LIN9: variants seen among roughly 807,000 people sequenced by gnomAD.
LIN9 encodes protein lin-9 homolog.
In LIN9, 18 loss-of-function variants were observed where a neutral mutation model predicts 78.0. The ratio of observed to expected loss-of-function variants is 0.23; its 90% CI spans 0.16 to 0.34. LIN9 has a LOEUF of 0.34. Among genes scored for constraint, LIN9 ranks in the 10% least tolerant of loss-of-function variants. LIN9 has a pLI of 1.00. For missense variants in LIN9, 451 were observed against 644.1 expected, an observed-to-expected ratio of 0.70 and a Z score of 3.25; for synonymous variants, 192 against 215.2, an observed-to-expected ratio of 0.89 and a Z score of 0.94.
intron 1 of LIN9, among the ~76,000 whole-genome samples, chr1:226,302,629 G>A (rs1455547500): frequency 6.6e-6 from 1 of 151,644 alleles, no homozygotes. Flanking sequence ...CTCAGAATTG[G>A]ATGTATACAT....
chr1:226,297,778 T>A lies in LIN9; in HGVS notation c.100A>T (p.Ser34Cys). The part of the protein sequence containing the change: ...SLSNTWNEKY[S>C]SLQKTPVWKG... ...CAAACAGGTGTTTTCTGTAAAGAAC[T>A]GTACTTTTCATTCCACGTGTTAGAT... Residue 34 changes from serine to cysteine, a missense_variant, in exon 3 of 15, where the codon AGT (serine) becomes TGT (cysteine). Ser to Cys is a moderately radical substitution (Grantham distance 112). Transcript: ENST00000681046. 2 of 1,590,634 alleles carry A rather than the reference T, an allele frequency of 1.3e-6. No individual in the cohort carries two copies. Among genetic ancestry groups the A allele is most frequent in the Non-Finnish European group, 1.7e-6 (2 of 1,170,526 alleles).
At position 226,233,411 on chromosome 1, in the gene LIN9, G is replaced by A. The variant is rs765590971; in HGVS notation, c.1358C>T (p.Pro453Leu). 3 of 1,614,042 alleles carry A rather than the reference G, an allele frequency of 1.9e-6. No homozygotes were observed. The highest frequency in any genetic ancestry group is 1.7e-6 in the Non-Finnish European group (2 of 1,179,974). The stretch of plus-strand genomic sequence containing the variant: ...TGTCAGATTTTCATTTTCAACGCAG[G>A]GCTGTCCTGTTGAGGAATTTGCATG... ...VRHANSSTGQ[P>L]CVENENLTDL... Residue 453 changes from proline (P) to leucine (L), a missense_variant, in exon 13 of 15, where the codon CCC (proline) becomes CTC (leucine). Transcript: ENST00000681046.
intron 1 of LIN9, among the ~76,000 whole-genome samples, chr1:226,304,338 A>G (rs1023374514): frequency 6.6e-6 from 1 of 152,196 alleles, no homozygotes; most frequent in Non-Finnish European, 1.5e-5. Context: ...AACTTTGTGA[A>G]AAGTCAGCAC....
At chr1:226,298,563 T>C (rs1280255455) in intron 2 of LIN9, among the ~76,000 whole-genome samples, 4 of 152,180 alleles carry the variant, frequency 2.6e-5, no homozygotes, top group African/African-American at 7.2e-5. Flanking sequence ...TCACTTGATA[T>C]ATAAAAAGGA....
At chr1:226,301,377 A>C (rs939639852) in intron 1 of LIN9, among the ~76,000 whole-genome samples, 172 bp from the exon 2 acceptor site, 3 of 152,210 alleles carry the variant, frequency 2.0e-5, no homozygotes, top group African/African-American at 7.2e-5. Flanking sequence ...ATAAACCAGA[A>C]CTCAGATAAA....
intron 11 of LIN9, among the ~76,000 whole-genome samples, 179 bp from the exon 12 acceptor site, chr1:226,239,275 G>C (rs1160824124): frequency 2.6e-5 from 4 of 152,136 alleles, no homozygotes. Flanking sequence ...GATTGTCCTT[G>C]TTTATTGGAG....
chr1:226,236,486 C>T (rs150221370), intron 12 of LIN9, among the ~76,000 whole-genome samples: 43 of 152,118 alleles, frequency 2.8e-4, no homozygotes, highest in African/African-American at 9.6e-4. Flanking sequence ...GACTGAGTCT[C>T]GCTCTGTTGC....
At chr1:226,282,821 A>T (rs1661151594) in intron 6 of LIN9, among the ~76,000 whole-genome samples, 1 of 151,566 alleles carries the variant, frequency 6.6e-6, no homozygotes, top group African/African-American at 2.4e-5. Context: ...ACTCTGTCTC[A>T]AAAAACAAAA....
intron 6 of LIN9, among the ~76,000 whole-genome samples, chr1:226,283,459 G>A (rs145040781): frequency 4.4e-4 from 66 of 151,396 alleles, no homozygotes; most frequent in Admixed American, 1.1e-3. Context: ...TTTATTATGC[G>A]TTACCTGACA....
chr1:226,304,127 A>G (rs1348728082), intron 1 of LIN9, among the ~76,000 whole-genome samples: 1 of 152,268 alleles, frequency 6.6e-6, no homozygotes, highest in African/African-American at 2.4e-5. Flanking sequence ...TACACAGTTA[A>G]TTTTGATATA....
chr1:226,270,490 T>C (rs536212880), intron 7 of LIN9, among the ~76,000 whole-genome samples: 5 of 152,000 alleles, frequency 3.3e-5, no homozygotes, highest in South Asian at 4.2e-4. Context: ...CAGTAAGAAA[T>C]TGAGAGAGAT....
chr1:226,301,213 TA>T lies in LIN9; in HGVS notation c.32-9del. ...GGGCTTTTGCTGAAGAGCCTGCAATTAAAAATAAAACAAATCAATAATTATT... is the reference window on the plus strand; with the variant it reads ...GGGCTTTTGCTGAAGAGCCTGCAATTAAAATAAAACAAATCAATAATTATT... On this transcript the variant is annotated splice_polypyrimidine_tract_variant and intron_variant, in intron 1 of 14. Coordinates refer to ENST00000681046, the MANE Select transcript of LIN9 (RefSeq NM_001366245.2). 1 of 1,597,444 alleles carries T rather than the reference TA, an allele frequency of 6.3e-7. No homozygotes were observed.
chr1:226,249,990 C>T (rs1290520882), intron 11 of LIN9, among the ~76,000 whole-genome samples: 4 of 151,752 alleles, frequency 2.6e-5, no homozygotes, highest in African/African-American at 4.8e-5. Flanking sequence ...GCCAACATGG[C>T]GAAACCCCGT....
intron 7 of LIN9, among the ~76,000 whole-genome samples, chr1:226,274,570 A>G (rs1416525655): frequency 6.6e-6 from 1 of 152,170 alleles, no homozygotes; most frequent in East Asian, 1.9e-4. Context: ...CGGCACATAA[A>G]ATAATGTCCC....
intron 11 of LIN9, among the ~76,000 whole-genome samples, chr1:226,247,661 GTTTGT>G (rs1658567545): frequency 6.9e-6 from 1 of 144,976 alleles, no homozygotes; most frequent in South Asian, 2.2e-4. Context: ...ATGCCTTGTT[GTTTGT>G]TTTCTTTCTT....
intron 11 of LIN9, among the ~76,000 whole-genome samples, chr1:226,245,597 A>T (rs558634290): frequency 1.7e-4 from 25 of 147,436 alleles, no homozygotes; most frequent in Admixed American, 2.7e-4. Flanking sequence ...AAAAACAAAA[A>T]TTTTTTTTTT....
intron 10 of LIN9, among the ~76,000 whole-genome samples, chr1:226,255,730 T>C (rs1659144600): frequency 6.6e-6 from 1 of 152,094 alleles, no homozygotes; most frequent in Non-Finnish European, 1.5e-5. Flanking sequence ...CTTGAGGATA[T>C]ATTATTTATT....
At chr1:226,309,441 C>T (rs1354618467), upstream of LIN9, 12 of 1,061,626 alleles carry the variant, frequency 1.1e-5, no homozygotes, top group East Asian at 1.1e-4. Flanking sequence ...GGGAGCAGTA[C>T]CAGCTCCGGA....
At chr1:226,299,900 G>A (rs1344255568) in intron 2 of LIN9, among the ~76,000 whole-genome samples, 1 of 150,974 alleles carries the variant, frequency 6.6e-6, no homozygotes, top group African/African-American at 2.4e-5. Context: ...TTTATTTCAA[G>A]ACATTATTAC....
Sources: allele counts gnomAD v4.1 joint callset (sites outside exome capture counted in the v4.1 genomes callset), GRCh38; gene constraint gnomAD v4.1.1; transcripts MANE v1.5; gene names NCBI Gene and HGNC (gene_info 2026-07-23, HGNC 2026-07-21).